Variants in IFTAP observed in about 807,000 individuals in gnomAD.
IFTAP encodes the protein intraflagellar transport associated protein.
A neutral mutation model predicts 19.4 loss-of-function variants in IFTAP; 19 were observed. That is an observed-to-expected ratio of 0.98 (90% CI 0.68 to 1.44). The LOEUF is 1.44. Among genes scored for constraint, IFTAP ranks in the 40% most tolerant of loss-of-function variants. IFTAP has a pLI of 0.00. For missense variants in IFTAP, 240 were observed against 253.6 expected (o/e 0.95, Z 0.36); for synonymous variants, 85 against 83.5 (o/e 1.02, Z -0.10).
At chr11:36,636,246 G>A in intron 4 of IFTAP, 129 bp downstream of exon 4, 1 of 679,026 alleles carries the variant, frequency 1.5e-6, no homozygotes, top group Non-Finnish European at 2.5e-6. Context: ...AACTAAAGTT[G>A]TGAGCTATTT....
intron 4 of IFTAP, among the ~76,000 whole-genome samples, chr11:36,639,253 CTT>C (rs11432916): frequency 2.8e-5 from 4 of 141,200 alleles, no homozygotes; most frequent in Non-Finnish European, 3.1e-5. Context: ...GCTCAAGAGA[CTT>C]TTTTTTTTTT....
chr11:36,656,430 C>A (rs1416740560), intron 5 of IFTAP, among the ~76,000 whole-genome samples: 6 of 151,984 alleles, frequency 3.9e-5, no homozygotes, highest in African/African-American at 1.4e-4. Flanking sequence ...ATTAGCCAGG[C>A]CTGGTGGTAT....
At chr11:36,596,828 C>T (rs1378370503) in intron 1 of IFTAP, among the ~76,000 whole-genome samples, 2 of 152,092 alleles carry the variant, frequency 1.3e-5, no homozygotes, top group Non-Finnish European at 2.9e-5. Flanking sequence ...TTTAAGGTTG[C>T]TGTAGGAATT....
At chr11:36,643,000 C>G (rs1210869390) in intron 4 of IFTAP, among the ~76,000 whole-genome samples, 1 of 152,172 alleles carries the variant, frequency 6.6e-6, no homozygotes, top group Non-Finnish European at 1.5e-5. Context: ...GTTGGAAGTT[C>G]TGGCCAGGGC....
chr11:36,652,438 TAAG>T (rs1853779928), intron 5 of IFTAP, among the ~76,000 whole-genome samples: 1 of 152,228 alleles, frequency 6.6e-6, no homozygotes, highest in Non-Finnish European at 1.5e-5. Context: ...CTTATCAGCT[TAAG>T]GAGATTTTGG....
At chr11:36,628,347 C>T (rs1366089218) in intron 2 of IFTAP, among the ~76,000 whole-genome samples, 2 of 151,326 alleles carry the variant, frequency 1.3e-5, no homozygotes, top group Non-Finnish European at 2.9e-5. Context: ...CTTCACAGTG[C>T]TCACCTGTTG....
At chr11:36,646,032 G>A (rs1183103392) in intron 4 of IFTAP, among the ~76,000 whole-genome samples, 4 of 152,134 alleles carry the variant, frequency 2.6e-5, no homozygotes, top group African/African-American at 9.7e-5. Context: ...AATTTAAGAC[G>A]TGGAGAATAC....
intron 4 of IFTAP, among the ~76,000 whole-genome samples, chr11:36,647,110 C>A (rs1044988638): frequency 2.0e-5 from 3 of 152,118 alleles, no homozygotes; most frequent in African/African-American, 7.2e-5. Flanking sequence ...CCATTTGCAG[C>A]AGTCAAGTCA....
At chr11:36,626,289 C>T (rs572194109) in intron 2 of IFTAP, among the ~76,000 whole-genome samples, 6 of 151,388 alleles carry the variant, frequency 4.0e-5, no homozygotes, top group South Asian at 4.2e-4. Flanking sequence ...TCATTTCTTT[C>T]GGATACATTC....
chr11:36,602,361 A>G (rs1054265975), intron 1 of IFTAP, among the ~76,000 whole-genome samples: 5 of 152,152 alleles, frequency 3.3e-5, no homozygotes, highest in African/African-American at 7.2e-5. Context: ...AGTCCTGTGC[A>G]TTGTGCAGGT....
In IFTAP at chr11:36,636,095, G is replaced by A. The variant is rs1251088340; in HGVS notation, c.336G>A (p.Glu112=). 1 of 1,608,524 alleles carries A rather than the reference G, an allele frequency of 6.2e-7. No individual in the cohort carries two copies. The highest frequency in any genetic ancestry group is 1.7e-5 in the Admixed American group (1 of 59,984). The change falls in exon 4 of 6, where the codon GAG becomes GAA. Residue 112 remains glutamate (E), a synonymous_variant. Coordinates refer to ENST00000334307, the MANE Select transcript of IFTAP (RefSeq NM_138787.4). ...LDLEDLDMDE[E]IKPQMSEDLL... ...TAGAAGATTTGGACATGGATGAAGAGATTAAACCCCAAATGAGTGAGGGTA... is the reference window on the plus strand; with the variant it reads ...TAGAAGATTTGGACATGGATGAAGAAATTAAACCCCAAATGAGTGAGGGTA...
At position 36,594,550 on chromosome 11, in the gene IFTAP, A is replaced by AG. The variant is rs1389348941; in HGVS notation, c.-62dup. The stretch of plus-strand genomic sequence containing the variant: ...AAATCTGTCTTTGTTGCTCTGGGAG[A>AG]GGGGACTCCTGGAATGTGTCTGTGA... On this transcript the variant is annotated 5_prime_UTR_variant, in exon 1 of 6. The change creates a premature stop within an existing upstream ORF in the 5' untranslated region. Coordinates refer to ENST00000334307, the MANE Select transcript of IFTAP (RefSeq NM_138787.4). The AG allele has an allele frequency of 2.3e-5, 6 of 262,926 alleles. No individual in the cohort carries two copies. The highest frequency in any genetic ancestry group is 4.4e-5 in the Non-Finnish European group (6 of 135,928). The allele number at this position is 262,926 out of a possible 1,614,324, so 16.3% of individuals were successfully genotyped here. A position where few individuals can be genotyped will look rare whatever the true frequency, so the allele number is the denominator to read the frequency against.
At chr11:36,604,880 C>T (rs1015900939) in intron 1 of IFTAP, among the ~76,000 whole-genome samples, 7 of 151,970 alleles carry the variant, frequency 4.6e-5, no homozygotes, top group Non-Finnish European at 1.0e-4. Flanking sequence ...CTGAATTTCT[C>T]ACTGGATGTT....
At chr11:36,603,888 C>T (rs1851596089) in intron 1 of IFTAP, among the ~76,000 whole-genome samples, 1 of 150,342 alleles carries the variant, frequency 6.7e-6, no homozygotes, top group African/African-American at 2.5e-5. Context: ...CTCCACTGCA[C>T]TCGAGCCTGG....
At chr11:36,637,064 G>A (rs869206) in intron 4 of IFTAP, among the ~76,000 whole-genome samples, 23,452 of 151,896 alleles carry the variant, frequency 0.15, 2,615 homozygotes, top group African/African-American at 0.31. Context: ...GTCTTTAGGT[G>A]GTCATAAACA....
intron 5 of IFTAP, among the ~76,000 whole-genome samples, chr11:36,658,082 T>C (rs1320196565): frequency 6.6e-6 from 1 of 152,220 alleles, no homozygotes; most frequent in African/African-American, 2.4e-5. Flanking sequence ...TTTACGAACA[T>C]TGCATAAGCC....
intron 5 of IFTAP, among the ~76,000 whole-genome samples, chr11:36,652,241 G>T (rs1211638401): frequency 6.6e-6 from 1 of 152,154 alleles, no homozygotes; most frequent in Non-Finnish European, 1.5e-5. Context: ...GCAGTGGTTT[G>T]TAGTTCTCCT....
chr11:36,616,010 T>C (rs1432176129), intron 2 of IFTAP, among the ~76,000 whole-genome samples: 1 of 151,996 alleles, frequency 6.6e-6, no homozygotes, highest in Non-Finnish European at 1.5e-5. Flanking sequence ...AGAGTGGTAA[T>C]TACTGCTCAT....
At chr11:36,635,829 T>G (rs1852925829) in intron 3 of IFTAP, among the ~76,000 whole-genome samples, 1 of 152,192 alleles carries the variant, frequency 6.6e-6, no homozygotes, top group African/African-American at 2.4e-5. Context: ...CTGACTATGG[T>G]GCCTACAAAA....
Sources: allele counts gnomAD v4.1 joint callset (sites outside exome capture counted in the v4.1 genomes callset), GRCh38; gene constraint gnomAD v4.1.1; transcripts MANE v1.5; gene names NCBI Gene and HGNC (gene_info 2026-07-23, HGNC 2026-07-21).